BRINP1: variants seen among roughly 807,000 people sequenced by gnomAD.
BRINP1 encodes BMP/retinoic acid inducible neural specific 1.
A neutral mutation model predicts 72.9 loss-of-function variants in BRINP1; 17 were observed. The ratio of observed to expected loss-of-function variants is 0.23; its 90% CI spans 0.16 to 0.35. The LOEUF (loss-of-function observed/expected upper bound fraction) is 0.35. Among genes scored for constraint, BRINP1 ranks in the 10% least tolerant of loss-of-function variants. BRINP1 has a pLI of 1.00. For synonymous variants in BRINP1, 418 were observed against 378.5 expected (o/e 1.10, Z -1.21); for missense variants, 850 against 1,001.6 (o/e 0.85, Z 2.04).
intron 2 of BRINP1, among the ~76,000 whole-genome samples, chr9:119,259,106 T>C (rs1348704845): frequency 2.6e-5 from 4 of 152,166 alleles, no homozygotes; most frequent in African/African-American, 9.7e-5. Flanking sequence ...GCTCATTCCA[T>C]TGAGCACCTG....
At chr9:119,241,622 G>A (rs1421228218) in intron 4 of BRINP1, among the ~76,000 whole-genome samples, 1 of 152,104 alleles carries the variant, frequency 6.6e-6, no homozygotes, top group Non-Finnish European at 1.5e-5. Flanking sequence ...ATGGTGAGTG[G>A]GGAGGAAAGA....
At position 119,214,033 on chromosome 9, in the gene BRINP1, C is replaced by T. The variant is rs1354958546; in HGVS notation, c.808G>A (p.Ala270Thr). 1 of 1,614,032 alleles carries T rather than the reference C, an allele frequency of 6.2e-7. No homozygotes were observed. The highest frequency in any genetic ancestry group is 8.5e-7 in the Non-Finnish European group (1 of 1,180,028). The stretch of plus-strand genomic sequence containing the variant: ...CAGTTGCACTGCGGAAACTCCTCGG[C>T]ACATTGGCAGCGACACTGGCTGTTC... Reference protein sequence around the residue: ...CQNSQCRCQCAEEFPQCNCPI... With the variant: ...CQNSQCRCQCTEEFPQCNCPI... The change falls in exon 6 of 8, where the codon GCC becomes ACC. Residue 270 changes from alanine (A) to threonine (T), a missense_variant. Transcript: ENST00000265922.
At chr9:119,282,855 A>G in intron 2 of BRINP1, 1 of 985,330 alleles carries the variant, frequency 1.0e-6, no homozygotes, top group Non-Finnish European at 1.2e-6. Context: ...CAGCAGTGAT[A>G]GATTACCTCT....
intron 1 of BRINP1, among the ~76,000 whole-genome samples, chr9:119,329,744 G>A (rs1831280308): frequency 6.6e-6 from 1 of 152,090 alleles, no homozygotes. Context: ...AATAAAACAG[G>A]CATAATTCAC....
chr9:119,275,124 ATTGAG>A lies in BRINP1; in HGVS notation c.219-25979_219-25975del, dbSNP rs143198187. 1.6e-3 allele frequency among the ~76,000 whole-genome samples: 241 copies of A among 152,298 alleles called. 1 individual carries two copies. Among genetic ancestry groups the A allele is most frequent in the African/African-American group, 5.6e-3 (232 of 41,578 alleles). The stretch of plus-strand genomic sequence containing the variant: ...ACTCTAGACTTTGGGTACCTGACCC[ATTGAG>A]TTACTTGATTCCCAGTGGTTGGAGT... On this transcript the variant is annotated intron_variant, in intron 2 of 7. Coordinates refer to ENST00000265922, the MANE Select transcript of BRINP1 (RefSeq NM_014618.3).
In BRINP1 at chr9:119,184,261, C is replaced by A. The variant is rs1035921121; in HGVS notation, c.1146-16037G>T. 2.0e-5 allele frequency among the ~76,000 whole-genome samples: 3 copies of A among 152,276 alleles called. No homozygotes were observed. In the East Asian group the frequency reaches 5.8e-4, roughly 29 times the overall value. On this transcript the variant is annotated intron_variant, in intron 7 of 7. Coordinates refer to ENST00000265922, the MANE Select transcript of BRINP1 (RefSeq NM_014618.3). ...TGACTTAAATACACCCCGGACAGCA[C>A]TCGCAGTGAAGCTCAGCCACTGCCA...
intron 1 of BRINP1, among the ~76,000 whole-genome samples, chr9:119,343,507 C>T (rs568650317): frequency 9.9e-5 from 15 of 152,270 alleles, no homozygotes; most frequent in African/African-American, 3.6e-4. Context: ...TTTGCTCCTC[C>T]TGCACGGCAC....
intron 1 of BRINP1, among the ~76,000 whole-genome samples, chr9:119,357,838 A>G (rs562185964): frequency 1.3e-5 from 2 of 152,308 alleles, no homozygotes; most frequent in East Asian, 3.9e-4. Context: ...CTATCCCAAG[A>G]CAATAGAGAT....
At chr9:119,335,411 T>A (rs1448003485) in intron 1 of BRINP1, among the ~76,000 whole-genome samples, 2 of 152,166 alleles carry the variant, frequency 1.3e-5, no homozygotes, top group Non-Finnish European at 2.9e-5. Context: ...ACTCAGGCAT[T>A]CTATGACACA....
chr9:119,188,487 G>T (rs754239975), intron 7 of BRINP1, among the ~76,000 whole-genome samples: 2 of 152,272 alleles, frequency 1.3e-5, no homozygotes, highest in East Asian at 1.9e-4. Flanking sequence ...TTAGAGCCAG[G>T]CATGGTGGCT....
intron 1 of BRINP1, among the ~76,000 whole-genome samples, chr9:119,329,021 T>C (rs1304064028): frequency 2.6e-5 from 4 of 152,164 alleles, no homozygotes; most frequent in African/African-American, 7.2e-5. Context: ...CAGAGGCATA[T>C]TGAAGAGCTT....
chr9:119,173,058 T>A (rs967384758), intron 7 of BRINP1, among the ~76,000 whole-genome samples: 3 of 146,184 alleles, frequency 2.1e-5, no homozygotes, highest in African/African-American at 7.9e-5. Context: ...AGCATTCCCT[T>A]TGAAAACTGG....
intron 2 of BRINP1, among the ~76,000 whole-genome samples, chr9:119,276,025 T>G (rs1385211254): frequency 6.6e-6 from 1 of 152,126 alleles, no homozygotes; most frequent in Admixed American, 6.6e-5. Flanking sequence ...TTTCCTTGTC[T>G]CCTTCATTTC....
chr9:119,347,305 C>T (rs1831461473), intron 1 of BRINP1, among the ~76,000 whole-genome samples: 1 of 152,166 alleles, frequency 6.6e-6, no homozygotes, highest in African/African-American at 2.4e-5. Context: ...AGCAGACAGA[C>T]TTGCCTTTGG....
intron 1 of BRINP1, among the ~76,000 whole-genome samples, chr9:119,331,387 T>C (rs1831299159): frequency 6.6e-6 from 1 of 152,358 alleles, no homozygotes; most frequent in Non-Finnish European, 1.5e-5. Context: ...CATGATTTTG[T>C]TGTTTTGGGT....
intron 7 of BRINP1, among the ~76,000 whole-genome samples, chr9:119,181,223 A>G (rs1243814792): frequency 6.6e-6 from 1 of 152,208 alleles, no homozygotes; most frequent in Admixed American, 6.5e-5. Context: ...GTTAGACTGT[A>G]TAATAACAGA....
In BRINP1 at chr9:119,368,096, C is replaced by T. The variant is rs1247992164; in HGVS notation, c.-51+960G>A. Among the ~76,000 whole-genome samples, 1 of 152,210 alleles carries T rather than the reference C, an allele frequency of 6.6e-6. No homozygotes were observed. The highest frequency in any genetic ancestry group is 2.4e-5 in the African/African-American group (1 of 41,452). On this transcript the variant is annotated intron_variant, in intron 1 of 7. Coordinates refer to ENST00000265922, the MANE Select transcript of BRINP1 (RefSeq NM_014618.3). This position sits in a 1 kb window ranked among gnomAD's most constrained non-coding sequence, Gnocchi z 4.7. Reference sequence around the variant, plus strand: ...TGATGGATGAGCAAGTCCCCGAGGACGCTTTCTCCTTTCCCCTGAGGGGGA... The same window carrying T: ...TGATGGATGAGCAAGTCCCCGAGGATGCTTTCTCCTTTCCCCTGAGGGGGA...
At chr9:119,268,293 TAG>T (rs1564233792) in intron 2 of BRINP1, among the ~76,000 whole-genome samples, 2 of 138,212 alleles carry the variant, frequency 1.4e-5, no homozygotes, top group African/African-American at 5.0e-5. Flanking sequence ...GATAGATAGA[TAG>T]ATAGATAAAA....
intron 1 of BRINP1, among the ~76,000 whole-genome samples, chr9:119,355,300 T>A (rs1831549817): frequency 6.6e-6 from 1 of 152,246 alleles, no homozygotes; most frequent in African/African-American, 2.4e-5. Context: ...AATTTGATGT[T>A]GATAAATGTC....
Sources: allele counts gnomAD v4.1 joint callset (sites outside exome capture counted in the v4.1 genomes callset), GRCh38; gene constraint gnomAD v4.1.1; non-coding constraint Gnocchi (gnomAD v3.1); transcripts MANE v1.5; gene names NCBI Gene and HGNC (gene_info 2026-07-23, HGNC 2026-07-21).